Variants in PCDHA2 observed in about 807,000 individuals in gnomAD.
PCDHA2 encodes the protein protocadherin alpha-2.
Under a neutral mutation model 66.0 loss-of-function variants are expected in PCDHA2, and 58 were observed. That is an observed-to-expected ratio of 0.88 (90% CI 0.71 to 1.09). PCDHA2 has a LOEUF of 1.09. Ranked by LOEUF, PCDHA2 falls within the 50% of genes least tolerant of loss-of-function variation. The probability of loss-of-function intolerance (pLI) is 0.00; values close to 1 mark genes in which losing one functional copy is unlikely to be tolerated. For missense variants in PCDHA2, 1,267 were observed against 1,242.3 expected, an observed-to-expected ratio of 1.02 and a Z score of -0.30; for synonymous variants, 634 against 554.0, an observed-to-expected ratio of 1.14 and a Z score of -2.03.
At chr5:140,895,026 A>G (rs549013601) in intron 1 of PCDHA2, among the ~76,000 whole-genome samples, 5 of 152,096 alleles carry the variant, frequency 3.3e-5, no homozygotes, top group African/African-American at 1.2e-4. Flanking sequence ...CCTTTGTTTA[A>G]TTGTCCCCCA....
intron 1 of PCDHA2, chr5:140,866,098 T>C (rs555628749): frequency 6.6e-6 from 1 of 152,318 alleles, no homozygotes; most frequent in African/African-American, 2.4e-5. Context: ...AATTGTTAAG[T>C]AATTAAGAGT....
chr5:140,843,320 G>GGAC, intron 1 of PCDHA2: 1 of 1,596,056 alleles, frequency 6.3e-7, no homozygotes, highest in Non-Finnish European at 8.6e-7. Context: ...CACGGTTCTG[G>GGAC]TGTCGCTGGT....
At chr5:140,869,316 T>A in intron 1 of PCDHA2, 1 of 1,613,748 alleles carries the variant, frequency 6.2e-7, no homozygotes, top group Non-Finnish European at 8.5e-7. Context: ...CCAAAACACA[T>A]GGGGACCTTC....
At chr5:140,829,500 CG>C (rs1562307699) in intron 1 of PCDHA2, 1 of 1,613,600 alleles carries the variant, frequency 6.2e-7, no homozygotes, top group African/African-American at 1.3e-5. Context: ...AACAACCCGC[CG>C]GGCTGCCACA....
At chr5:140,945,768 T>C (rs1212479192) in intron 1 of PCDHA2, among the ~76,000 whole-genome samples, 3 of 152,062 alleles carry the variant, frequency 2.0e-5, no homozygotes, top group African/African-American at 7.2e-5. Flanking sequence ...GTGGGACAAT[T>C]TGATATCCAG....
chr5:140,850,784 TAAG>T, intron 1 of PCDHA2: 1 of 1,597,982 alleles, frequency 6.3e-7, no homozygotes, highest in Non-Finnish European at 8.6e-7. Flanking sequence ...CTGGCGAGGG[TAAG>T]CAGAAGACCG....
chr5:140,849,758 C>T lies in PCDHA2; in HGVS notation c.2388+52406C>T, dbSNP rs150560525. ...TGGACCGCGAGAGTGTGTCCGCCTA[C>T]GAGCTGGTGGTTACCGCGCGGGACG... On this transcript the variant is annotated intron_variant, in intron 1 of 3. Transcript: ENST00000526136. 1.8e-4 allele frequency: 292 copies of T among 1,598,480 alleles called. 14 individuals are homozygous for T. The highest frequency in any genetic ancestry group is 1.6e-3 in the African/African-American group (121 of 74,466).
chr5:140,883,397 C>A, intron 1 of PCDHA2: 1 of 1,614,170 alleles, frequency 6.2e-7, no homozygotes. Flanking sequence ...TGTGTCCGAT[C>A]GTGACTCTGG....
chr5:140,855,223 T>G lies in PCDHA2; in HGVS notation c.2388+57871T>G, dbSNP rs79371036. 4.7e-3 allele frequency among the ~76,000 whole-genome samples: 698 copies of G among 149,962 alleles called. 54 individuals are homozygous for G. Among genetic ancestry groups the G allele is most frequent in the Non-Finnish European group, 8.3e-3 (557 of 67,056 alleles). ...ATAGTTTCCATTTATGAAGCACTCATTCTCCTTAAGGTACTATTGCAAGCA... is the reference window on the plus strand; with the variant it reads ...ATAGTTTCCATTTATGAAGCACTCAGTCTCCTTAAGGTACTATTGCAAGCA... On this transcript the variant is annotated intron_variant, in intron 1 of 3. Coordinates refer to ENST00000526136, the MANE Select transcript of PCDHA2 (RefSeq NM_018905.3).
At chr5:140,836,003 G>A (rs1456412206) in intron 1 of PCDHA2, 1 of 1,613,210 alleles carries the variant, frequency 6.2e-7, no homozygotes, top group African/African-American at 1.3e-5. Context: ...CGCGCGATGC[G>A]GGCGTGCCGC....
At chr5:140,966,505 A>T in intron 1 of PCDHA2, 1 of 427,984 alleles carries the variant, frequency 2.3e-6, no homozygotes, top group Non-Finnish European at 4.1e-6. Context: ...CTGTAGCGGC[A>T]GCAGCAGCAG....
At chr5:141,005,909 T>C (rs1368661717) in intron 3 of PCDHA2, among the ~76,000 whole-genome samples, 1 of 151,946 alleles carries the variant, frequency 6.6e-6, no homozygotes, top group African/African-American at 2.4e-5. Context: ...ATTGCACCAC[T>C]GCACTTCAGC....
Position 140,857,393 on chromosome 5 carries a change from G to C in PCDHA2, c.2388+60041G>C, listed in dbSNP as rs146099067. On this transcript the variant is annotated intron_variant, in intron 1 of 3. Coordinates refer to ENST00000526136, the MANE Select transcript of PCDHA2 (RefSeq NM_018905.3). The stretch of plus-strand genomic sequence containing the variant: ...GTCTGTGGAGGTGGCCGACGTGAAC[G>C]ACAACGCGCCTGCGTTCGCGCAGTC... The C allele has an allele frequency of 3.2e-4, 519 of 1,598,492 alleles. 32 individuals carry two copies. In the African/African-American group the frequency reaches 5.9e-3, roughly 18 times the overall value.
At chr5:141,002,610 C>T (rs1191320958) in intron 3 of PCDHA2, among the ~76,000 whole-genome samples, 1 of 152,200 alleles carries the variant, frequency 6.6e-6, no homozygotes, top group Non-Finnish European at 1.5e-5. Context: ...ATAAAACAGA[C>T]ACATAACACA....
intron 1 of PCDHA2, chr5:140,841,802 G>A: frequency 6.2e-7 from 1 of 1,613,944 alleles, no homozygotes; most frequent in Non-Finnish European, 8.5e-7. Context: ...GTCCGATGCA[G>A]ATGTTGGAGC....
chr5:140,814,172 T>A (rs2126652493), intron 1 of PCDHA2: 1,547 of 152,634 alleles, frequency 0.01, 13 homozygotes, highest in Admixed American at 0.013. Context: ...TTTTACAAGT[T>A]TTTTTGACTT....
At chr5:140,857,771 G>C in intron 1 of PCDHA2, 3 of 1,597,658 alleles carry the variant, frequency 1.9e-6, no homozygotes, top group Non-Finnish European at 2.6e-6. Flanking sequence ...CGCGGGCGGT[G>C]CAGTCAGTGA....
rs2150167979 is a variant in PCDHA2 at position 140,829,443 on chromosome 5, A to G, written c.2388+32091A>G. On this transcript the variant is annotated intron_variant, in intron 1 of 3. Coordinates refer to ENST00000526136, the MANE Select transcript of PCDHA2 (RefSeq NM_018905.3). Reference sequence around the variant, plus strand: ...GTGGAGGTGGCCGACATGAATGACAATGCTCCGGCGTTCGCGCAGCCCGAG... The same window carrying G: ...GTGGAGGTGGCCGACATGAATGACAGTGCTCCGGCGTTCGCGCAGCCCGAG... 6 of 1,613,850 alleles carry G rather than the reference A, an allele frequency of 3.7e-6. No homozygotes were observed. Among genetic ancestry groups the G allele is most frequent in the Non-Finnish European group, 5.1e-6 (6 of 1,180,044 alleles).
chr5:140,957,169 A>T (rs868935808), intron 1 of PCDHA2, among the ~76,000 whole-genome samples: 16 of 152,164 alleles, frequency 1.1e-4, no homozygotes, highest in African/African-American at 3.9e-4. Flanking sequence ...CTAAGTATAT[A>T]AATTGGTTTA....
Sources: allele counts gnomAD v4.1 joint callset (sites outside exome capture counted in the v4.1 genomes callset), GRCh38; gene constraint gnomAD v4.1.1; transcripts MANE v1.5; gene names NCBI Gene and HGNC (gene_info 2026-07-23, HGNC 2026-07-21).